Variants in OSBP2 observed in about 807,000 individuals in gnomAD.
OSBP2 encodes the protein oxysterol binding protein 2.
In OSBP2, 66 loss-of-function variants were observed where a neutral mutation model predicts 96.0. The ratio of observed to expected loss-of-function variants is 0.69; its 90% CI spans 0.56 to 0.84. The LOEUF (loss-of-function observed/expected upper bound fraction) is 0.84. Among genes scored for constraint, OSBP2 ranks in the 40% least tolerant of loss-of-function variants. OSBP2 has a pLI of 0.00. For synonymous variants in OSBP2, 525 were observed against 520.9 expected (o/e 1.01, Z -0.11); for missense variants, 1,038 against 1,222.7 (o/e 0.85, Z 2.25).
At chr22:30,893,605 G>T (rs1351013146) in intron 10 of OSBP2, 33 bp from the exon 11 acceptor site, 1 of 1,613,300 alleles carries the variant, frequency 6.2e-7, no homozygotes, top group Non-Finnish European at 8.5e-7. Flanking sequence ...ATGGCCCGGG[G>T]GCTGGCCGCT....
intron 2 of OSBP2, among the ~76,000 whole-genome samples, chr22:30,826,375 C>T (rs953223781): frequency 1.3e-5 from 2 of 152,206 alleles, no homozygotes; most frequent in African/African-American, 4.8e-5. Context: ...TTTGCCACTC[C>T]TCGGGCCTAG....
intron 1 of OSBP2, among the ~76,000 whole-genome samples, chr22:30,739,301 G>T (rs2089901620): frequency 6.6e-6 from 1 of 152,196 alleles, no homozygotes; most frequent in South Asian, 2.1e-4. Flanking sequence ...TAGAGCCAGA[G>T]AATGGGACAT....
intron 1 of OSBP2, among the ~76,000 whole-genome samples, chr22:30,735,668 TTAAA>T (rs2089842490): frequency 6.6e-6 from 1 of 152,102 alleles, no homozygotes; most frequent in African/African-American, 2.4e-5. Flanking sequence ...CCTATTTATA[TTAAA>T]TACTTTTCAT....
At chr22:30,902,140 C>CAAAAAAAAAAAAAAAAAAAAAAAAAA (rs1239083048) in intron 12 of OSBP2, 9 of 253,948 alleles carry the variant, frequency 3.5e-5, no homozygotes, top group Admixed American at 1.1e-4. Flanking sequence ...AAAAAAAAAC[C>CAAAAAAAAAAAAAAAAAAAAAAAAAA]AAAAAAAAAA....
At chr22:30,841,681 A>G (rs1199057670) in intron 2 of OSBP2, among the ~76,000 whole-genome samples, 1 of 152,206 alleles carries the variant, frequency 6.6e-6, no homozygotes, top group Non-Finnish European at 1.5e-5. Flanking sequence ...TGTCTAAAAA[A>G]CAATGTATAT....
chr22:30,902,136 A>AC lies in OSBP2; in HGVS notation c.2376-3701_2376-3700insC, dbSNP rs1415379170. 20 of 199,906 alleles carry AC rather than the reference A, an allele frequency of 1.0e-4. No individual in the cohort carries two copies. In the African/African-American group the frequency reaches 1.1e-3, roughly 11 times the overall value. The allele number at this position is 199,906 out of a possible 1,614,324, so 12.4% of individuals were successfully genotyped here. A position where few individuals can be genotyped will look rare whatever the true frequency, so the allele number is the denominator to read the frequency against. On this transcript the variant is annotated intron_variant, in intron 12 of 13. Transcript: ENST00000332585. ...AAAAAAAAAAAAAACGAAAAAAAAA[A>AC]AACCAAAAAAAAAAAACAGAGGGTC...
intron 1 of OSBP2, among the ~76,000 whole-genome samples, chr22:30,717,087 T>TG: frequency 1.6e-5 from 1 of 61,128 alleles, no homozygotes; most frequent in Admixed American, 1.9e-4. Flanking sequence ...AATTTTACTG[T>TG]TTTTGTGTGT....
chr22:30,881,393 C>G lies in OSBP2; in HGVS notation c.1108-6033C>G, dbSNP rs2039698868. Among the ~76,000 whole-genome samples, 1 of 152,172 alleles carries G rather than the reference C, an allele frequency of 6.6e-6. No individual in the cohort carries two copies. The highest frequency in any genetic ancestry group is 2.4e-5 in the African/African-American group (1 of 41,434). On this transcript the variant is annotated intron_variant, in intron 3 of 13. Coordinates refer to ENST00000332585, the MANE Select transcript of OSBP2 (RefSeq NM_030758.4). The surrounding 1 kb of genome is among the most constrained non-coding windows in gnomAD (Gnocchi z 4.5). ...CCATGCAGGGCCCAGGTACCACCTCCAGCTCCCACTAGGACCCCTCACTCT... is the reference window on the plus strand; with the variant it reads ...CCATGCAGGGCCCAGGTACCACCTCGAGCTCCCACTAGGACCCCTCACTCT...
chr22:30,882,971 T>G (rs1351042603), intron 3 of OSBP2, among the ~76,000 whole-genome samples: 1 of 152,238 alleles, frequency 6.6e-6, no homozygotes, highest in East Asian at 1.9e-4. Context: ...GACCTTTGGC[T>G]ACTATTTTAA....
At position 30,695,481 on chromosome 22, in the gene OSBP2, A is replaced by G; in HGVS notation, c.572A>G (p.Lys191Arg). The change falls in exon 1 of 14, where the codon AAG becomes AGG. Residue 191 changes from lysine (K) to arginine (R), a missense_variant. Physicochemically the swap from Lys to Arg is conservative, Grantham distance 26. Transcript: ENST00000332585. ...GACAGCTTCGAGGGCTGGCTTCTCA[A>G]GTGGACCAACTATCTGAAGGGCTAC... is the stretch of plus-strand genomic sequence containing the variant. ...PLDSFEGWLL[K>R]WTNYLKGYQR... 1 of 1,613,358 alleles carries G rather than the reference A, an allele frequency of 6.2e-7. No homozygotes were observed. Among genetic ancestry groups the G allele is most frequent in the Non-Finnish European group, 8.5e-7 (1 of 1,180,034 alleles).
chr22:30,810,641 G>A (rs951847785), intron 2 of OSBP2, among the ~76,000 whole-genome samples: 3 of 152,098 alleles, frequency 2.0e-5, no homozygotes, highest in East Asian at 1.9e-4. Flanking sequence ...CTGAGCCCCC[G>A]CCCCCACACC....
At chr22:30,784,774 C>A (rs1294849732) in intron 2 of OSBP2, among the ~76,000 whole-genome samples, 1 of 146,762 alleles carries the variant, frequency 6.8e-6, no homozygotes, top group Admixed American at 6.7e-5. Context: ...ATAAATCCTC[C>A]TCATTTTTTT....
intron 2 of OSBP2, among the ~76,000 whole-genome samples, chr22:30,811,193 A>ATGAGAT (rs2091001701): frequency 6.8e-6 from 1 of 146,798 alleles, no homozygotes; most frequent in Non-Finnish European, 1.5e-5. Context: ...ATATATAAAA[A>ATGAGAT]TGAGATTGTA....
rs1331832478 is a variant in OSBP2, at chr22:30,763,463, A to G, written c.853+22094A>G. 3.9e-5 allele frequency among the ~76,000 whole-genome samples: 6 copies of G among 152,334 alleles called. No homozygotes were observed. The East Asian group carries it at 9.6e-4, about 24-fold the overall frequency. On this transcript the variant is annotated intron_variant, in intron 2 of 13. Transcript: ENST00000332585. ...GAAGTTCAAGACCAGCCTGGCCAAC[A>G]TGGTGAAACCTGTTTCTACTGAAAA...
intron 12 of OSBP2, chr22:30,902,683 A>C: frequency 1.8e-6 from 1 of 548,602 alleles, no homozygotes; most frequent in East Asian, 3.7e-5. Context: ...TTAAACCTCG[A>C]ATGTTGTGAC....
chr22:30,861,542 G>A (rs1014355256), intron 2 of OSBP2, among the ~76,000 whole-genome samples: 5 of 152,122 alleles, frequency 3.3e-5, no homozygotes, highest in African/African-American at 9.7e-5. Context: ...CCAGAGTTTC[G>A]TGATTTATTA....
At chr22:30,903,371 T>C (rs1415327156) in intron 12 of OSBP2, among the ~76,000 whole-genome samples, 1 of 152,204 alleles carries the variant, frequency 6.6e-6, no homozygotes, top group African/African-American at 2.4e-5. Flanking sequence ...TAGGTGTTGA[T>C]TCTTGCAGGG....
At chr22:30,719,426 G>C (rs1490513866) in intron 1 of OSBP2, among the ~76,000 whole-genome samples, 1 of 152,014 alleles carries the variant, frequency 6.6e-6, no homozygotes, top group Non-Finnish European at 1.5e-5. Context: ...AAGTTGCCTG[G>C]TGTGGTGGCA....
intron 1 of OSBP2, among the ~76,000 whole-genome samples, chr22:30,717,212 A>G (rs2089477234): frequency 6.6e-6 from 1 of 150,900 alleles, no homozygotes; most frequent in African/African-American, 2.4e-5. Flanking sequence ...CAGCCTCCCA[A>G]GTAGCTGGGA....
Sources: gnomAD v4.1 joint callset for allele counts (sites outside exome capture counted in the v4.1 genomes callset) on GRCh38, gnomAD v4.1.1 for gene constraint, Gnocchi (gnomAD v3.1) non-coding constraint, MANE v1.5 for transcripts, NCBI Gene and HGNC (gene_info 2026-07-23, HGNC 2026-07-21) for gene names.